The following AGMO variants were observed in gnomAD, a reference collection of about 807,000 sequenced individuals.
The protein encoded by AGMO is glyceryl-ether monooxygenase.
In AGMO, 75 loss-of-function variants were observed where a neutral mutation model predicts 60.2. That is an observed-to-expected ratio of 1.25 (90% CI 1.03 to 1.51). The LOEUF is 1.51. AGMO is among the 40% of genes most tolerant of loss of function. The probability of loss-of-function intolerance (pLI) is 0.00; values close to 1 mark genes in which losing one functional copy is unlikely to be tolerated. For missense variants in AGMO, 763 were observed against 525.5 expected, an observed-to-expected ratio of 1.45 and a Z score of -4.42; for synonymous variants, 261 against 177.1, an observed-to-expected ratio of 1.47 and a Z score of -3.76.
At chr7:15,262,191 C>T (rs1205539861) in intron 12 of AGMO, among the ~76,000 whole-genome samples, 1 of 152,026 alleles carries the variant, frequency 6.6e-6, no homozygotes, top group Non-Finnish European at 1.5e-5. Context: ...AGAAGTCAAA[C>T]TGTCACTGTT....
intron 5 of AGMO, among the ~76,000 whole-genome samples, chr7:15,398,212 G>C (rs991589509): frequency 6.6e-6 from 1 of 152,156 alleles, no homozygotes; most frequent in Admixed American, 6.5e-5. Context: ...TGTGCAGCCA[G>C]ATGTAAAGCC....
At chr7:15,442,929 C>T (rs1256276269) in intron 3 of AGMO, among the ~76,000 whole-genome samples, 1 of 152,150 alleles carries the variant, frequency 6.6e-6, no homozygotes, top group Non-Finnish European at 1.5e-5. Context: ...TGCTAGCAGG[C>T]AGCAGGCCAT....
At chr7:15,153,306 A>C in the AGMO span, among the ~76,000 whole-genome samples, 1 of 152,098 alleles carries the variant, frequency 6.6e-6, no homozygotes, top group Non-Finnish European at 1.5e-5. Flanking sequence ...GTTAGCTCTG[A>C]TGATGATTTC....
At chr7:15,421,429 T>A (rs1323728416) in intron 4 of AGMO, among the ~76,000 whole-genome samples, 1 of 152,122 alleles carries the variant, frequency 6.6e-6, no homozygotes, top group African/African-American at 2.4e-5. Flanking sequence ...TTTTTAAGCA[T>A]GTAAGAGATG....
chr7:15,217,045 AAAG>A (rs2128495559), intron 12 of AGMO, among the ~76,000 whole-genome samples: 1 of 152,246 alleles, frequency 6.6e-6, no homozygotes, highest in South Asian at 2.1e-4. Flanking sequence ...GCTTACCTTA[AAAG>A]AAAAGAAATA....
At chr7:15,549,845 C>G (rs1411432247) in intron 2 of AGMO, among the ~76,000 whole-genome samples, 1 of 151,804 alleles carries the variant, frequency 6.6e-6, no homozygotes, top group Non-Finnish European at 1.5e-5. Flanking sequence ...ACTCTCCACC[C>G]CAAATCAACA....
chr7:15,288,801 G>T (rs1386325981), intron 12 of AGMO, among the ~76,000 whole-genome samples: 4 of 144,106 alleles, frequency 2.8e-5, no homozygotes, highest in African/African-American at 5.0e-5. Context: ...GCATGGAGAA[G>T]AAAGAACATT....
At chr7:15,343,668 T>C (rs140527540) in intron 12 of AGMO, among the ~76,000 whole-genome samples, 2 of 152,278 alleles carry the variant, frequency 1.3e-5, no homozygotes, top group African/African-American at 4.8e-5. Flanking sequence ...GTTTTATCTG[T>C]ATATTCTTGA....
chr7:15,466,539 G>T (rs76428935), intron 3 of AGMO, among the ~76,000 whole-genome samples: 1,900 of 152,234 alleles, frequency 0.012, 35 homozygotes, highest in African/African-American at 0.044. Context: ...TAAGGAACTT[G>T]CCTAGGGTTT....
At position 15,390,847 on chromosome 7, in the gene AGMO, T is replaced by A. The variant is rs768686109; in HGVS notation, c.735A>T (p.Lys245Asn). 7 of 1,605,086 alleles carry A rather than the reference T, an allele frequency of 4.4e-6. No homozygotes were observed. Among genetic ancestry groups the A allele is most frequent in the Non-Finnish European group, 6.0e-6 (7 of 1,174,176 alleles). Residue 245 changes from lysine to asparagine, a missense_variant, in exon 7 of 13, where the codon AAA becomes AAT. Physicochemically the swap from Lys to Asn is moderately conservative, Grantham distance 94. Transcript: ENST00000342526. ...TTAATACATTTTACTTACCAAAAAT[T>A]TTATCCCAAATAATAAGAACACCAG... is the stretch of plus-strand genomic sequence containing the variant. ...NYAGVLIIWD[K>N]IFGTFEAENE... is the part of the protein sequence containing the mutation.
chr7:15,139,227 A>T, the AGMO span, among the ~76,000 whole-genome samples: 11 of 152,242 alleles, frequency 7.2e-5, no homozygotes, highest in African/African-American at 2.6e-4. Context: ...GTTATCTTTG[A>T]CTTGCTTTAT....
intron 3 of AGMO, among the ~76,000 whole-genome samples, chr7:15,500,209 C>T (rs1783344910): frequency 1.3e-5 from 2 of 151,784 alleles, no homozygotes; most frequent in African/African-American, 4.8e-5. Context: ...ATGTTAATGA[C>T]ATACTAGAGA....
chr7:15,288,750 G>A (rs1353608448), intron 12 of AGMO, among the ~76,000 whole-genome samples: 3 of 141,798 alleles, frequency 2.1e-5, no homozygotes, highest in Non-Finnish European at 4.6e-5. Context: ...TAGATTTGAG[G>A]AATAAATCAT....
chr7:15,558,750 T>C (rs1785222168), intron 2 of AGMO, among the ~76,000 whole-genome samples: 1 of 152,154 alleles, frequency 6.6e-6, no homozygotes, highest in Non-Finnish European at 1.5e-5. Flanking sequence ...GAAAAAATTT[T>C]ACTTTTAAGT....
At position 15,545,836 on chromosome 7, in the gene AGMO, TTTGA is replaced by T. The variant is rs981516788; in HGVS notation, c.258-917_258-914del. Among the ~76,000 whole-genome samples, 29 of 152,100 alleles carry T rather than the reference TTTGA, an allele frequency of 1.9e-4. 1 individual carries two copies. Among genetic ancestry groups the T allele is most frequent in the African/African-American group, 4.6e-4 (19 of 41,562 alleles). On this transcript the variant is annotated intron_variant, in intron 2 of 12. Coordinates refer to ENST00000342526, the MANE Select transcript of AGMO (RefSeq NM_001004320.2). ...TGTTTTGTTTTGTCACTTTTATCAATTTGATTGAGTTGACTTTTCCTTCTATATT... is the reference window on the plus strand; with the variant it reads ...TGTTTTGTTTTGTCACTTTTATCAATTTGAGTTGACTTTTCCTTCTATATT...
chr7:15,466,417 C>G (rs1290782775), intron 3 of AGMO, among the ~76,000 whole-genome samples: 2 of 152,110 alleles, frequency 1.3e-5, no homozygotes, highest in Non-Finnish European at 2.9e-5. Context: ...ATGTTATATG[C>G]AACATATCAC....
Position 15,342,285 on chromosome 7 carries a change from AG to A in AGMO, c.1263+23228del. 1.3e-5 allele frequency among the ~76,000 whole-genome samples: 2 copies of A among 151,278 alleles called. 1 individual carries two copies. The highest frequency in any genetic ancestry group is 4.2e-4 in the South Asian group (2 of 4,744). The stretch of plus-strand genomic sequence containing the variant: ...AGAAAGCCATGGTCAGCAAGGGAGG[AG>A]TAAAACCTGCAAGTGTGCAATGCTG... On this transcript the variant is annotated intron_variant, in intron 12 of 12. Coordinates refer to ENST00000342526, the MANE Select transcript of AGMO (RefSeq NM_001004320.2).
chr7:15,521,607 T>C (rs113495825), intron 3 of AGMO, among the ~76,000 whole-genome samples: 2 of 152,284 alleles, frequency 1.3e-5, no homozygotes, highest in African/African-American at 4.8e-5. Context: ...CACATGATTA[T>C]CTCAATAGAT....
intron 12 of AGMO, among the ~76,000 whole-genome samples, chr7:15,225,693 G>C (rs7778853): frequency 0.32 from 48,441 of 151,650 alleles, 9,174 homozygotes; most frequent in East Asian, 0.5. Flanking sequence ...ACTCATGGCA[G>C]AATAAAAACT....
Sources: allele counts gnomAD v4.1 joint callset (sites outside exome capture counted in the v4.1 genomes callset), GRCh38; gene constraint gnomAD v4.1.1; transcripts MANE v1.5; gene names NCBI Gene and HGNC (gene_info 2026-07-23, HGNC 2026-07-21).